The following LRRC27 variants were observed in gnomAD, a reference collection of about 807,000 sequenced individuals.
LRRC27 encodes leucine rich repeat containing 27, also known as leucine-rich repeat-containing protein 27.
A neutral mutation model predicts 55.0 loss-of-function variants in LRRC27; 57 were observed. The observed-to-expected ratio is 1.04, with a 90% CI of 0.84 to 1.29. LRRC27 has a LOEUF of 1.29. Ranked by LOEUF, LRRC27 falls within the 50% of genes most tolerant of loss-of-function variation. LRRC27 has a pLI of 0.00. For missense variants in LRRC27, 721 were observed against 651.5 expected (o/e 1.11, Z -1.16); for synonymous variants, 278 against 251.9 (o/e 1.10, Z -0.98).
intron 4 of LRRC27, among the ~76,000 whole-genome samples, chr10:132,343,068 G>T (rs1296387138): frequency 6.6e-6 from 1 of 152,104 alleles, no homozygotes; most frequent in Non-Finnish European, 1.5e-5. Context: ...AGCACCTTGG[G>T]GCGCCAAGGC....
intron 9 of LRRC27, 23 bp downstream of exon 9, chr10:132,361,598 C>A: frequency 6.5e-7 from 1 of 1,543,396 alleles, no homozygotes; most frequent in South Asian, 1.1e-5. Flanking sequence ...AACTGGCACT[C>A]AGTCCTTCCA....
intron 9 of LRRC27, among the ~76,000 whole-genome samples, chr10:132,364,970 T>A (rs1038186591): frequency 6.6e-6 from 1 of 152,244 alleles, no homozygotes. Flanking sequence ...CCCAAACCCC[T>A]GAGCCCCAGT....
At chr10:132,337,427 A>G in intron 2 of LRRC27, 138 bp from the exon 3 acceptor site, 1 of 1,435,718 alleles carries the variant, frequency 7.0e-7, no homozygotes, top group Non-Finnish European at 9.1e-7. Flanking sequence ...TAAGGGTAAG[A>G]GATTGGGTTT....
intron 8 of LRRC27, among the ~76,000 whole-genome samples, chr10:132,359,344 T>C (rs1459038517): frequency 6.6e-6 from 1 of 152,180 alleles, no homozygotes; most frequent in Non-Finnish European, 1.5e-5. Context: ...ATTTCAGTAT[T>C]GTTGGAGAGA....
At position 132,368,810 on chromosome 10, in the gene LRRC27, T is replaced by C. The variant is rs180828502; in HGVS notation, c.1416+3260T>C. On this transcript the variant is annotated intron_variant, in intron 10 of 10. Transcript: ENST00000368614. Reference sequence around the variant, plus strand: ...GAAATAATTGATAAGCCGGGCTTCATTACAATCAAAAACTTCTGTTCTATG... The same window carrying C: ...GAAATAATTGATAAGCCGGGCTTCACTACAATCAAAAACTTCTGTTCTATG... Among the ~76,000 whole-genome samples the C allele has an allele frequency of 2.3e-3, 350 of 152,314 alleles. 1 individual carries two copies. The highest frequency in any genetic ancestry group is 8.0e-3 in the African/African-American group (332 of 41,560).
chr10:132,346,257 AATAC>A (rs1327318185), intron 5 of LRRC27, among the ~76,000 whole-genome samples: 2 of 152,176 alleles, frequency 1.3e-5, no homozygotes, highest in Non-Finnish European at 2.9e-5. Flanking sequence ...GTTTGAAAAA[AATAC>A]ATTAAGTAAC....
chr10:132,342,622 T>G (rs1304149898), intron 4 of LRRC27, among the ~76,000 whole-genome samples: 1 of 152,228 alleles, frequency 6.6e-6, no homozygotes, highest in Non-Finnish European at 1.5e-5. Context: ...CTTACGTATG[T>G]TCCTAGGCCC....
chr10:132,331,188 A>G (rs1033299846), upstream of LRRC27, among the ~76,000 whole-genome samples: 6 of 128,440 alleles, frequency 4.7e-5, no homozygotes, highest in Non-Finnish European at 9.6e-5. Context: ...GAGACAAAGC[A>G]AGACTCCACC....
rs2133115962 is a variant in LRRC27, at chr10:132,375,097, T to C, written c.1448T>C (p.Leu483Pro). 6.2e-7 allele frequency: 1 copy of C among 1,613,846 alleles called. No homozygotes were observed. The highest frequency in any genetic ancestry group is 1.1e-5 in the South Asian group (1 of 91,070). ...ATELQDEVLK[L>P]KLGLTLNKDR... ...GAGCTACAGGATGAAGTATTGAAGC[T>C]AAAATTGGGATTAACCTTGAACAAA... The change falls in exon 11 of 11, where the codon CTA (leucine) becomes CCA (proline). Residue 483 changes from leucine to proline, a missense_variant. Leu to Pro is a moderately conservative substitution (Grantham distance 98). Transcript: ENST00000368614.
At chr10:132,345,117 A>G (rs2067615847) in intron 5 of LRRC27, among the ~76,000 whole-genome samples, 1 of 152,196 alleles carries the variant, frequency 6.6e-6, no homozygotes, top group African/African-American at 2.4e-5. Flanking sequence ...CATTCTTTCA[A>G]CATACTGACC....
chr10:132,330,325 C>T (rs1314526422), upstream of LRRC27: 4 of 655,368 alleles, frequency 6.1e-6, no homozygotes, highest in South Asian at 3.2e-5. Flanking sequence ...AAAAGAGATA[C>T]TGGAATGCTG....
chr10:132,340,416 G>T (rs983627639), intron 3 of LRRC27, among the ~76,000 whole-genome samples: 4 of 152,262 alleles, frequency 2.6e-5, no homozygotes, highest in African/African-American at 9.6e-5. Context: ...ACGTGAGTGG[G>T]CCAGAACCTT....
At chr10:132,356,023 G>A (rs1213844529) in intron 8 of LRRC27, 137 bp downstream of exon 8, 2 of 637,400 alleles carry the variant, frequency 3.1e-6, no homozygotes, top group Non-Finnish European at 5.6e-6. Flanking sequence ...CCTGTCCATG[G>A]AGGATGAGCT....
At chr10:132,351,269 C>T (rs896881530) in intron 6 of LRRC27, 9 of 236,596 alleles carry the variant, frequency 3.8e-5, no homozygotes, top group Non-Finnish European at 7.6e-5. Flanking sequence ...CCAGGTCAGA[C>T]AAGGGTGCGG....
rs1355956366 is a variant in LRRC27 at position 132,333,734 on chromosome 10, A to G, written c.210A>G (p.Gln70=). The G allele has an allele frequency of 1.2e-6, 2 of 1,611,698 alleles. No homozygotes were observed. The highest frequency in any genetic ancestry group is 2.2e-5 in the East Asian group (1 of 44,906). ...LEEVFRIPSL[Q]QLHLQRNALC... ...AGGTCTTTAGAATCCCCAGCCTTCA[A>G]GTAAGTGGGGCTGCTCCTCAGGCTG... The change falls in exon 2 of 11, where the codon CAA becomes CAG. Residue 70 remains glutamine (Q), a splice_region_variant and synonymous_variant. Coordinates refer to ENST00000368614, the MANE Select transcript of LRRC27 (RefSeq NM_030626.3).
intron 7 of LRRC27, among the ~76,000 whole-genome samples, chr10:132,352,567 C>T (rs1230985976): frequency 5.2e-4 from 37 of 71,238 alleles, no homozygotes; most frequent in African/African-American, 1.7e-3. Flanking sequence ...GTGGGGCAGG[C>T]GCTGAGGCCT....
chr10:132,344,526 C>T lies in LRRC27; in HGVS notation c.429C>T (p.Asn143=), dbSNP rs1336166080. The change falls in exon 5 of 11, where the codon AAC becomes AAT. Residue 143 remains asparagine (N), a synonymous_variant. Transcript: ENST00000368614. ...LGSVTTLKAL[N]LRHCPLEFPP... is the part of the protein sequence containing the mutation. The stretch of plus-strand genomic sequence containing the variant: ...GCGTAACCACGCTGAAAGCACTGAA[C>T]CTAAGACACTGCCCTCTGGAATTCC... The T allele has an allele frequency of 6.2e-7, 1 of 1,614,084 alleles. No homozygotes were observed. The highest frequency in any genetic ancestry group is 8.5e-7 in the Non-Finnish European group (1 of 1,179,988).
chr10:132,364,442 TCCACAC>T (rs2068853461), intron 9 of LRRC27, among the ~76,000 whole-genome samples: 2 of 124,176 alleles, frequency 1.6e-5, no homozygotes, highest in African/African-American at 6.9e-5. Flanking sequence ...TACATCTACC[TCCACAC>T]CCACACTCAC....
In LRRC27 at chr10:132,372,116, G is replaced by A. The variant is rs910576156; in HGVS notation, c.1417-2950G>A. ...CAACCAAAGAAGGATGGGAAGTGGGGGTCGGGGTGCGGTGGCTCACGCCTG... is the reference window on the plus strand; with the variant it reads ...CAACCAAAGAAGGATGGGAAGTGGGAGTCGGGGTGCGGTGGCTCACGCCTG... On this transcript the variant is annotated intron_variant, in intron 10 of 10. Transcript: ENST00000368614. The surrounding 1 kb of genome is among the most constrained non-coding windows in gnomAD (Gnocchi z 4.0). 1.3e-5 allele frequency among the ~76,000 whole-genome samples: 2 copies of A among 152,200 alleles called. No homozygotes were observed. Among genetic ancestry groups the A allele is most frequent in the African/African-American group, 2.4e-5 (1 of 41,458 alleles).
Sources: allele counts gnomAD v4.1 joint callset (sites outside exome capture counted in the v4.1 genomes callset), GRCh38; gene constraint gnomAD v4.1.1; non-coding constraint Gnocchi (gnomAD v3.1); transcripts MANE v1.5; gene names NCBI Gene and HGNC (gene_info 2026-07-23, HGNC 2026-07-21).